PLAAT1: variants seen among roughly 807,000 people sequenced by gnomAD.
The protein encoded by PLAAT1 is H-REV107 protein-related protein.
In PLAAT1, 13 loss-of-function variants were observed where a neutral mutation model predicts 16.4. The ratio of observed to expected loss-of-function variants is 0.79; its 90% CI spans 0.52 to 1.26. The LOEUF (loss-of-function observed/expected upper bound fraction) is 1.26, where lower values mean the gene tolerates loss of function less well. PLAAT1 is among the 50% of genes most tolerant of loss of function. The pLI, the probability that PLAAT1 is intolerant of heterozygous loss-of-function variation, is 0.00. For synonymous variants in PLAAT1, 73 were observed against 78.4 expected (o/e 0.93, Z 0.36); for missense variants, 218 against 207.8 (o/e 1.05, Z -0.30).
At chr3:193,249,606 T>C (rs1439806162) in intron 1 of PLAAT1, among the ~76,000 whole-genome samples, 1 of 152,156 alleles carries the variant, frequency 6.6e-6, no homozygotes, top group Non-Finnish European at 1.5e-5. Context: ...CCTTTCTCTC[T>C]TCCCTTTCTT....
At chr3:193,254,468 A>T (rs1000070347) in intron 1 of PLAAT1, among the ~76,000 whole-genome samples, 2 of 152,238 alleles carry the variant, frequency 1.3e-5, no homozygotes, top group Non-Finnish European at 2.9e-5. Context: ...GAGATTCAAC[A>T]TAGATACAGC....
Position 193,241,388 on chromosome 3 carries a change from G to A in PLAAT1, c.-146G>A. 1.6e-6 allele frequency: 2 copies of A among 1,231,752 alleles called. No individual in the cohort carries two copies. The highest frequency in any genetic ancestry group is 2.0e-6 in the Non-Finnish European group (2 of 987,996). The allele number at this position is 1,231,752 out of a possible 1,614,324, so 76.3% of individuals were successfully genotyped here. Reference sequence around the variant, plus strand: ...AGGACGGCCCCGAGTGATGGCTGGCGCCTGCCTCCCGGGTGTCTCCCGGGT... The same window carrying A: ...AGGACGGCCCCGAGTGATGGCTGGCACCTGCCTCCCGGGTGTCTCCCGGGT... On this transcript the variant is annotated 5_prime_UTR_variant, in exon 1 of 4. Coordinates refer to ENST00000264735, the MANE Select transcript of PLAAT1 (RefSeq NM_020386.5).
At chr3:193,279,118 A>T (rs1717361314), downstream of PLAAT1, among the ~76,000 whole-genome samples, 1 of 152,216 alleles carries the variant, frequency 6.6e-6, no homozygotes, top group African/African-American at 2.4e-5. Context: ...ACATAGCATA[A>T]TAAAGTATCC....
intron 3 of PLAAT1, among the ~76,000 whole-genome samples, chr3:193,263,671 A>G (rs1459783170): frequency 2.6e-5 from 4 of 152,224 alleles, no homozygotes; most frequent in Non-Finnish European, 1.5e-5. Flanking sequence ...AACTAATGAC[A>G]TATCTTAGTG....
At chr3:193,252,862 T>G (rs1044782808) in intron 1 of PLAAT1, among the ~76,000 whole-genome samples, 2 of 152,076 alleles carry the variant, frequency 1.3e-5, no homozygotes, top group Non-Finnish European at 2.9e-5. Context: ...TTTGTTTCCT[T>G]TGTCTAAAAA....
intron 2 of PLAAT1, chr3:193,276,700 A>G (rs1056492870): frequency 1.1e-5 from 15 of 1,339,092 alleles, no homozygotes; most frequent in Non-Finnish European, 1.5e-5. Flanking sequence ...GCTGAAAATG[A>G]GATCCTTAAT....
At chr3:193,263,376 A>C (rs1002748777) in intron 3 of PLAAT1, 141 bp downstream of exon 3, 6 of 758,086 alleles carry the variant, frequency 7.9e-6, no homozygotes, top group Non-Finnish European at 1.3e-5. Context: ...TGAGTTGTCC[A>C]AGGTCCTGCA....
intron 1 of PLAAT1, among the ~76,000 whole-genome samples, chr3:193,253,895 A>G (rs1459351729): frequency 2.0e-5 from 3 of 151,928 alleles, no homozygotes; most frequent in African/African-American, 7.3e-5. Flanking sequence ...AGTGCATTTG[A>G]AAAAAAATTG....
chr3:193,262,789 G>A (rs566018143), intron 2 of PLAAT1, among the ~76,000 whole-genome samples, 181 bp from the exon 3 acceptor site: 1 of 152,282 alleles, frequency 6.6e-6, no homozygotes, highest in Admixed American at 6.5e-5. Context: ...ACAATAGTAA[G>A]TGTTACTGCT....
upstream of PLAAT1, chr3:193,241,121 C>A: frequency 2.0e-4 from 3 of 14,714 alleles, no homozygotes; most frequent in East Asian, 0.01. Flanking sequence ...AGTTCCCCGG[C>A]GGGCGGGCGG....
Position 193,241,490 on chromosome 3 carries a change from A to C in PLAAT1, c.-44A>C. ...CCAAGAGAGACCCCAGGACACACAC[A>C]GCTGCCTCCCGGTGCGAGAAGAAGA... On this transcript the variant is annotated 5_prime_UTR_variant, in exon 1 of 4. Coordinates refer to ENST00000264735, the MANE Select transcript of PLAAT1 (RefSeq NM_020386.5). The C allele has an allele frequency of 8.1e-7, 1 of 1,231,952 alleles. No individual in the cohort carries two copies. Among genetic ancestry groups the C allele is most frequent in the Non-Finnish European group, 1.0e-6 (1 of 988,198 alleles). 76.3% of individuals were successfully genotyped at this position (1,231,952 alleles called of 1,614,324 possible). A position where few individuals can be genotyped will look rare whatever the true frequency, so the allele number is the denominator to read the frequency against.
chr3:193,271,071 T>G (rs985018733), downstream of PLAAT1, among the ~76,000 whole-genome samples: 3 of 152,214 alleles, frequency 2.0e-5, no homozygotes, highest in Non-Finnish European at 4.4e-5. Flanking sequence ...GAAAGAAATT[T>G]TAAGAACCCC....
chr3:193,250,394 A>G (rs1716146225), intron 1 of PLAAT1, among the ~76,000 whole-genome samples: 1 of 152,130 alleles, frequency 6.6e-6, no homozygotes, highest in Non-Finnish European at 1.5e-5. Context: ...ATTCTGCCCT[A>G]TACCAAGGAG....
At chr3:193,243,657 G>A (rs1715865140) in intron 1 of PLAAT1, among the ~76,000 whole-genome samples, 2 of 152,198 alleles carry the variant, frequency 1.3e-5, no homozygotes, top group South Asian at 4.1e-4. Context: ...ATGAACTCTG[G>A]AATAAGAAGG....
At position 193,244,256 on chromosome 3, in the gene PLAAT1, CTAGAAGT is replaced by C. The variant is rs1467029236; in HGVS notation, c.-1+2724_-1+2730del. On this transcript the variant is annotated intron_variant, in intron 1 of 3. Coordinates refer to ENST00000264735, the MANE Select transcript of PLAAT1 (RefSeq NM_020386.5). ...TGTCTTTATTCTCAGGGGTAAATGCCTAGAAGTACAGTTGCTGGATTATATAGTAGTT... is the reference window on the plus strand; with the variant it reads ...TGTCTTTATTCTCAGGGGTAAATGCCACAGTTGCTGGATTATATAGTAGTT... Among the ~76,000 whole-genome samples, 27 of 152,146 alleles carry C rather than the reference CTAGAAGT, an allele frequency of 1.8e-4. No individual in the cohort carries two copies. In the East Asian group the frequency reaches 4.6e-3, roughly 26 times the overall value.
intron 2 of PLAAT1, chr3:193,276,780 G>C (rs772091429): frequency 6.2e-7 from 1 of 1,613,104 alleles, no homozygotes; most frequent in African/African-American, 1.3e-5. Context: ...AGAATTGGGT[G>C]AGGGCTACCA....
chr3:193,280,938 C>T (rs184359295), downstream of PLAAT1, among the ~76,000 whole-genome samples: 3 of 152,132 alleles, frequency 2.0e-5, no homozygotes, highest in African/African-American at 4.8e-5. Flanking sequence ...GGCAACTGCC[C>T]CTTGATAGCA....
intron 2 of PLAAT1, among the ~76,000 whole-genome samples, chr3:193,259,090 C>G (rs561666899): frequency 6.6e-6 from 1 of 152,112 alleles, no homozygotes; most frequent in South Asian, 2.1e-4. Context: ...AAGATTGGTT[C>G]GACATACACA....
At chr3:193,253,877 G>A in intron 1 of PLAAT1, among the ~76,000 whole-genome samples, 1 of 151,958 alleles carries the variant, frequency 6.6e-6, no homozygotes, top group Non-Finnish European at 1.5e-5. Flanking sequence ...ATTAAATAGG[G>A]TAGAGATAGT....
Sources: gnomAD v4.1 joint callset for allele counts (sites outside exome capture counted in the v4.1 genomes callset) on GRCh38, gnomAD v4.1.1 for gene constraint, MANE v1.5 for transcripts, NCBI Gene and HGNC (gene_info 2026-07-23, HGNC 2026-07-21) for gene names.